The following BTBD10 variants were observed in gnomAD, a reference collection of about 807,000 sequenced individuals.
BTBD10 encodes the protein BTB domain containing 10, also known as BTB/POZ domain-containing protein 10.
Under a neutral mutation model 53.2 loss-of-function variants are expected in BTBD10, and 21 were observed. That is an observed-to-expected ratio of 0.39 (90% CI 0.28 to 0.57). The LOEUF is 0.57. Among genes scored for constraint, BTBD10 ranks in the 20% least tolerant of loss-of-function variants. The probability of loss-of-function intolerance (pLI) is 0.53; values close to 1 mark genes in which losing one functional copy is unlikely to be tolerated. For synonymous variants in BTBD10, 149 were observed against 192.7 expected, an observed-to-expected ratio of 0.77 and a Z score of 1.88; for missense variants, 360 against 594.7, an observed-to-expected ratio of 0.61 and a Z score of 4.10.
chr11:13,415,383 G>A (rs781189262), intron 5 of BTBD10, among the ~76,000 whole-genome samples: 1 of 152,122 alleles, frequency 6.6e-6, no homozygotes, highest in African/African-American at 2.4e-5. Context: ...AATGCTGAGG[G>A]CAGTCATGCC....
Position 13,442,847 on chromosome 11 carries a change from T to C in BTBD10, c.101+2177A>G, listed in dbSNP as rs146969372. ...ACTATGAATTCAAAAAGTAACACTT[T>C]TAAAAAGTCAAATCATACTTTTTAA... On this transcript the variant is annotated intron_variant, in intron 2 of 8. Coordinates refer to ENST00000278174, the MANE Select transcript of BTBD10 (RefSeq NM_032320.7). Among the ~76,000 whole-genome samples the C allele has an allele frequency of 5.3e-3, 811 of 152,312 alleles. 2 individuals carry two copies. Among genetic ancestry groups the C allele is most frequent in the Non-Finnish European group, 9.4e-3 (636 of 68,020 alleles).
At chr11:13,426,055 T>C (rs948887830) in intron 2 of BTBD10, among the ~76,000 whole-genome samples, 22 of 151,916 alleles carry the variant, frequency 1.4e-4, no homozygotes, top group Admixed American at 1.4e-3. Flanking sequence ...TGGCCTAATA[T>C]AGGTGTAAAT....
intron 2 of BTBD10, among the ~76,000 whole-genome samples, chr11:13,442,591 A>G (rs1285457209): frequency 1.3e-5 from 2 of 152,138 alleles, no homozygotes; most frequent in East Asian, 3.8e-4. Context: ...CTAATCATCC[A>G]GGATTACCTC....
intron 8 of BTBD10, among the ~76,000 whole-genome samples, chr11:13,394,035 T>C (rs1451031334): frequency 6.6e-6 from 1 of 152,246 alleles, no homozygotes; most frequent in African/African-American, 2.4e-5. Context: ...ATTATCATTT[T>C]GCAATCCTTA....
At chr11:13,457,980 C>A (rs1951006722) in intron 1 of BTBD10, among the ~76,000 whole-genome samples, 1 of 151,918 alleles carries the variant, frequency 6.6e-6, no homozygotes, top group African/African-American at 2.4e-5. Flanking sequence ...ATTTTTCAAA[C>A]TACTCATCAT....
At chr11:13,447,927 C>CA (rs1359935944) in intron 1 of BTBD10, among the ~76,000 whole-genome samples, 1 of 152,008 alleles carries the variant, frequency 6.6e-6, no homozygotes, top group East Asian at 1.9e-4. Flanking sequence ...GTAAAATACA[C>CA]AAAAATGCTA....
rs914961668 is a variant in BTBD10, at chr11:13,388,606, G to C, written c.*225C>G. The C allele has an allele frequency of 6.4e-5, 29 of 455,832 alleles. No homozygotes were observed. Among genetic ancestry groups the C allele is most frequent in the African/African-American group, 5.2e-4 (27 of 51,634 alleles). 28.2% of individuals were successfully genotyped at this position (455,832 alleles called of 1,614,324 possible). A position where few individuals can be genotyped will look rare whatever the true frequency, so the allele number is the denominator to read the frequency against. ...AAAGAACCAATTTCACAAACCTACT[G>C]GTAAACAAATACATTTACAACTGGA... On this transcript the variant is annotated 3_prime_UTR_variant, in exon 9 of 9. Transcript: ENST00000278174.
chr11:13,413,971 T>C (rs952977505), intron 5 of BTBD10, among the ~76,000 whole-genome samples: 1 of 152,232 alleles, frequency 6.6e-6, no homozygotes, highest in Admixed American at 6.5e-5. Flanking sequence ...GCATATGTAT[T>C]TTCCTTCTAC....
chr11:13,393,814 C>G (rs886510192), intron 8 of BTBD10, among the ~76,000 whole-genome samples: 1 of 152,078 alleles, frequency 6.6e-6, no homozygotes. Context: ...CAAAACCACT[C>G]ACAGACTCAA....
intron 1 of BTBD10, among the ~76,000 whole-genome samples, chr11:13,452,860 T>A (rs1393237106): frequency 6.6e-6 from 1 of 152,214 alleles, no homozygotes; most frequent in South Asian, 2.1e-4. Context: ...TATAACACAG[T>A]GCTAGGCACA....
chr11:13,407,949 C>T (rs1018233152), intron 6 of BTBD10, among the ~76,000 whole-genome samples: 39 of 152,136 alleles, frequency 2.6e-4, no homozygotes, highest in African/African-American at 8.7e-4. Flanking sequence ...TTTGACATTC[C>T]TAGCTGAGTC....
chr11:13,388,787 T>A lies in BTBD10; in HGVS notation c.*44A>T. 3 of 1,563,244 alleles carry A rather than the reference T, an allele frequency of 1.9e-6. No homozygotes were observed. Among genetic ancestry groups the A allele is most frequent in the Non-Finnish European group, 2.6e-6 (3 of 1,150,004 alleles). On this transcript the variant is annotated 3_prime_UTR_variant, in exon 9 of 9. Coordinates refer to ENST00000278174, the MANE Select transcript of BTBD10 (RefSeq NM_032320.7). ...AGTGCAGAATGAGGAGAGTACAACGTCACTGTGAAGAGTAGCATGCTATGG... is the reference window on the plus strand; with the variant it reads ...AGTGCAGAATGAGGAGAGTACAACGACACTGTGAAGAGTAGCATGCTATGG...
Position 13,419,539 on chromosome 11 carries a change from C to G in BTBD10, c.505G>C (p.Val169Leu). 1 of 1,614,108 alleles carries G rather than the reference C, an allele frequency of 6.2e-7. No individual in the cohort carries two copies. Among genetic ancestry groups the G allele is most frequent in the Non-Finnish European group, 8.5e-7 (1 of 1,180,004 alleles). Residue 169 changes from valine (V) to leucine (L), a missense_variant, in exon 4 of 9, where the codon GTG becomes CTG. Coordinates refer to ENST00000278174, the MANE Select transcript of BTBD10 (RefSeq NM_032320.7). ...CTAGTGTTATCCACTATTAGTGTCA[C>G]TCGTTCTGACGTTCTTATATTCCGA... ...GARNIRTSER[V>L]TLIVDNTRFV...
At chr11:13,413,343 G>A (rs1199809800) in intron 6 of BTBD10, among the ~76,000 whole-genome samples, 187 bp downstream of exon 6, 3 of 152,196 alleles carry the variant, frequency 2.0e-5, no homozygotes, top group Admixed American at 6.5e-5. Context: ...AAAAATATTT[G>A]GAAAATTGCA....
chr11:13,405,341 G>GA (rs201027120), intron 7 of BTBD10: 6 of 189,036 alleles, frequency 3.2e-5, no homozygotes, highest in Admixed American at 6.1e-5. Context: ...TAAATACAAA[G>GA]AAAAAAAATC....
At chr11:13,432,103 A>T (rs1591146920) in intron 2 of BTBD10, among the ~76,000 whole-genome samples, 1 of 152,100 alleles carries the variant, frequency 6.6e-6, no homozygotes, top group African/African-American at 2.4e-5. Context: ...AAAAACCCAA[A>T]CCCAAAAGTT....
chr11:13,405,925 C>T lies in BTBD10; in HGVS notation c.809-69G>A, dbSNP rs1197100736. On this transcript the variant is annotated intron_variant, in intron 6 of 8. Coordinates refer to ENST00000278174, the MANE Select transcript of BTBD10 (RefSeq NM_032320.7). ...AAAAGAGTTCTTTTAGAAATATAGA[C>T]TCTTATAACAAGAAAGGCCAGGCAG... 4 of 1,468,988 alleles carry T rather than the reference C, an allele frequency of 2.7e-6. No homozygotes were observed. The African/African-American group carries it at 5.6e-5, about 21-fold the overall frequency. 91.0% of individuals were successfully genotyped at this position (1,468,988 alleles called of 1,614,324 possible).
intron 8 of BTBD10, among the ~76,000 whole-genome samples, chr11:13,402,715 A>G (rs1254088337): frequency 1.3e-5 from 2 of 152,230 alleles, no homozygotes; most frequent in Non-Finnish European, 2.9e-5. Context: ...TACCTTGAAA[A>G]TAAGCTATTA....
intron 2 of BTBD10, among the ~76,000 whole-genome samples, chr11:13,435,483 T>C (rs1026588390): frequency 6.6e-6 from 1 of 152,076 alleles, no homozygotes; most frequent in Admixed American, 6.6e-5. Flanking sequence ...ATTGTGAATA[T>C]TTTAATAAAT....
Sources: gnomAD v4.1 joint callset for allele counts (sites outside exome capture counted in the v4.1 genomes callset) on GRCh38, gnomAD v4.1.1 for gene constraint, MANE v1.5 for transcripts, NCBI Gene and HGNC (gene_info 2026-07-23, HGNC 2026-07-21) for gene names.